Variants in ASIC2 observed in about 807,000 individuals in gnomAD.
ASIC2 encodes acid sensing ion channel subunit 2.
A neutral mutation model predicts 57.3 loss-of-function variants in ASIC2; 25 were observed. The ratio of observed to expected loss-of-function variants is 0.44; its 90% CI spans 0.32 to 0.61. The LOEUF is 0.61. Among genes scored for constraint, ASIC2 ranks in the 20% least tolerant of loss-of-function variants. The pLI is 0.06. For missense variants in ASIC2, 641 were observed against 738.1 expected (o/e 0.87, Z 1.52); for synonymous variants, 319 against 307.5 (o/e 1.04, Z -0.39).
chr17:33,111,184 G>C (rs1422634441), intron 2 of ASIC2, among the ~76,000 whole-genome samples: 1 of 152,108 alleles, frequency 6.6e-6, no homozygotes, highest in African/African-American at 2.4e-5. Context: ...GATGATCCAA[G>C]ACCATCTCAA....
intron 1 of ASIC2, among the ~76,000 whole-genome samples, chr17:34,115,735 T>C (rs1465447304): frequency 1.3e-5 from 2 of 152,180 alleles, no homozygotes. Context: ...TTCTGGATAA[T>C]GTTTCTTACA....
At chr17:33,828,283 T>C (rs1913001765) in intron 1 of ASIC2, 1 of 152,230 alleles carries the variant, frequency 6.6e-6, no homozygotes, top group Admixed American at 6.5e-5. Flanking sequence ...CATTTACATA[T>C]AGTGCTCTGT....
intron 1 of ASIC2, among the ~76,000 whole-genome samples, chr17:33,444,576 C>T (rs1335569540): frequency 6.6e-6 from 1 of 152,218 alleles, no homozygotes; most frequent in Non-Finnish European, 1.5e-5. Context: ...TCCCAGGCTC[C>T]CTCCCCCGGT....
intron 1 of ASIC2, chr17:33,680,965 A>G (rs557657338): frequency 1.3e-5 from 2 of 152,356 alleles, no homozygotes; most frequent in South Asian, 4.1e-4. Context: ...CCTGCCATCT[A>G]TAAGGAAAAA....
At chr17:33,628,761 C>G (rs1309023183) in intron 1 of ASIC2, among the ~76,000 whole-genome samples, 1 of 152,202 alleles carries the variant, frequency 6.6e-6, no homozygotes, top group Non-Finnish European at 1.5e-5. Flanking sequence ...GAGGTTGATA[C>G]AATTATTACC....
chr17:33,315,235 A>G (rs1274183799), intron 1 of ASIC2, among the ~76,000 whole-genome samples: 1 of 152,204 alleles, frequency 6.6e-6, no homozygotes, highest in Non-Finnish European at 1.5e-5. Flanking sequence ...AAATAGCTAA[A>G]GCATGTACCA....
chr17:33,097,564 G>A (rs745435060), intron 2 of ASIC2, among the ~76,000 whole-genome samples: 5 of 152,212 alleles, frequency 3.3e-5, no homozygotes, highest in South Asian at 2.1e-4. Context: ...CACATGGCAC[G>A]TGGCAGGTGG....
intron 1 of ASIC2, among the ~76,000 whole-genome samples, chr17:33,558,558 C>G (rs7217250): frequency 0.57 from 85,624 of 151,496 alleles, 25,304 homozygotes; most frequent in African/African-American, 0.75. Flanking sequence ...TATTAGAATA[C>G]ATCTAGTGTA....
intron 3 of ASIC2, among the ~76,000 whole-genome samples, chr17:33,082,800 G>C (rs187678653): frequency 6.6e-6 from 1 of 152,140 alleles, no homozygotes; most frequent in South Asian, 2.1e-4. Context: ...AAGACAGCTT[G>C]GTGCTGTCCC....
intron 1 of ASIC2, among the ~76,000 whole-genome samples, chr17:33,330,086 C>A (rs1306741075): frequency 2.6e-5 from 4 of 152,146 alleles, no homozygotes; most frequent in Non-Finnish European, 5.9e-5. Flanking sequence ...TGTTTGTATG[C>A]ATTTATTTTT....
At chr17:33,016,098 G>C (rs2091804319) in intron 8 of ASIC2, 59 bp from the exon 9 acceptor site, 2 of 1,562,110 alleles carry the variant, frequency 1.3e-6, no homozygotes, top group Non-Finnish European at 8.8e-7. Context: ...AGGCAGAAGG[G>C]ACCTCCCTCC....
At chr17:33,037,540 T>C (rs2091914304) in intron 3 of ASIC2, among the ~76,000 whole-genome samples, 1 of 151,418 alleles carries the variant, frequency 6.6e-6, no homozygotes, top group African/African-American at 2.4e-5. Flanking sequence ...CACCGACTCT[T>C]GCTTACCAAT....
At chr17:33,658,675 T>C (rs1907153469) in intron 1 of ASIC2, among the ~76,000 whole-genome samples, 1 of 152,042 alleles carries the variant, frequency 6.6e-6, no homozygotes, top group South Asian at 2.1e-4. Flanking sequence ...AGTGCATGCA[T>C]CCCATTCACC....
At chr17:33,132,422 T>C (rs900766694) in intron 1 of ASIC2, among the ~76,000 whole-genome samples, 1 of 152,170 alleles carries the variant, frequency 6.6e-6, no homozygotes, top group African/African-American at 2.4e-5. Flanking sequence ...CCTGTCCTCC[T>C]GGAACACACA....
intron 1 of ASIC2, among the ~76,000 whole-genome samples, chr17:33,703,086 GA>G (rs1908753884): frequency 6.6e-6 from 1 of 152,084 alleles, no homozygotes; most frequent in African/African-American, 2.4e-5. Flanking sequence ...AGGCAAGCAT[GA>G]AAAAAATCTG....
At chr17:33,939,688 C>T (rs1440557311) in intron 1 of ASIC2, among the ~76,000 whole-genome samples, 6 of 152,136 alleles carry the variant, frequency 3.9e-5, no homozygotes, top group Admixed American at 3.9e-4. Flanking sequence ...GGATGAAGTA[C>T]CACAGGATGG....
intron 1 of ASIC2, among the ~76,000 whole-genome samples, chr17:33,719,164 G>A (rs1041765130): frequency 6.6e-6 from 1 of 152,202 alleles, no homozygotes; most frequent in Non-Finnish European, 1.5e-5. Flanking sequence ...ACCCTTGTCT[G>A]GGTGGGAGGG....
At chr17:33,214,127 C>CA (rs1309773324) in intron 1 of ASIC2, among the ~76,000 whole-genome samples, 2 of 152,148 alleles carry the variant, frequency 1.3e-5, no homozygotes, top group African/African-American at 4.8e-5. Context: ...ACCTAAATGG[C>CA]AAAAAGCCTG....
At chr17:33,914,847 T>C (rs187456516) in intron 1 of ASIC2, among the ~76,000 whole-genome samples, 45 of 152,362 alleles carry the variant, frequency 3.0e-4, no homozygotes, top group Non-Finnish European at 3.8e-4. Flanking sequence ...AGTAGATAAA[T>C]GCTTACGAAG....
Sources: allele counts gnomAD v4.1 joint callset (sites outside exome capture counted in the v4.1 genomes callset), GRCh38; gene constraint gnomAD v4.1.1; transcripts MANE v1.5; gene names NCBI Gene and HGNC (gene_info 2026-07-23, HGNC 2026-07-21).